The following COA1 variants were observed in gnomAD, a reference collection of about 807,000 sequenced individuals.
COA1 encodes cytochrome c oxidase assembly factor 1 homolog.
Under a neutral mutation model 16.0 loss-of-function variants are expected in COA1, and 13 were observed. The ratio of observed to expected loss-of-function variants is 0.81; its 90% CI spans 0.53 to 1.29. The LOEUF is 1.29. Ranked by LOEUF, COA1 falls within the 50% of genes most tolerant of loss-of-function variation. The pLI, the probability that COA1 is intolerant of heterozygous loss-of-function variation, is 0.00. For synonymous variants in COA1, 65 were observed against 65.7 expected (o/e 0.99, Z 0.05); for missense variants, 179 against 177.0 (o/e 1.01, Z -0.06).
intron 1 of COA1, among the ~76,000 whole-genome samples, chr7:43,670,670 G>C (rs937872161): frequency 2.6e-5 from 4 of 152,132 alleles, no homozygotes; most frequent in Admixed American, 6.5e-5. Context: ...TGCACTAAAA[G>C]AGACATAGAG....
intron 1 of COA1, among the ~76,000 whole-genome samples, chr7:43,677,446 A>C (rs1004677383): frequency 2.0e-5 from 3 of 152,224 alleles, no homozygotes; most frequent in African/African-American, 7.2e-5. Flanking sequence ...AGGTTTGCCA[A>C]ATAAAAGAGA....
intron 1 of COA1, among the ~76,000 whole-genome samples, chr7:43,672,001 T>A (rs2093291904): frequency 6.6e-6 from 1 of 152,098 alleles, no homozygotes; most frequent in African/African-American, 2.4e-5. Flanking sequence ...CATAGCAGCA[T>A]GAGAACAGAC....
chr7:43,709,055 A>G (rs2095112259), intron 1 of COA1, among the ~76,000 whole-genome samples: 2 of 146,348 alleles, frequency 1.4e-5, no homozygotes, highest in South Asian at 4.3e-4. Context: ...ACAGAGTCTC[A>G]TTCTCTCTCC....
At chr7:43,691,481 T>C (rs924362774) in intron 1 of COA1, among the ~76,000 whole-genome samples, 6 of 134,570 alleles carry the variant, frequency 4.5e-5, no homozygotes, top group Non-Finnish European at 8.2e-5. Context: ...AAGAAAGAAA[T>C]TATCATCAAT....
At position 43,639,572 on chromosome 7, in the gene COA1, T is replaced by C. The variant is rs376700205; in HGVS notation, c.*10A>G. The C allele has an allele frequency of 6.2e-7, 1 of 1,610,914 alleles. No homozygotes were observed. Among genetic ancestry groups the C allele is most frequent in the African/African-American group, 1.3e-5 (1 of 74,842 alleles). ...TGGACTAGAAGCAAGCTGGGTCTTCTGGGTCGTCTCTACTCCTTTTTCACT... is the reference window on the plus strand; with the variant it reads ...TGGACTAGAAGCAAGCTGGGTCTTCCGGGTCGTCTCTACTCCTTTTTCACT... On this transcript the variant is annotated 3_prime_UTR_variant, in exon 6 of 6. Transcript: ENST00000223336.
chr7:43,664,103 A>AAGAGGGAGAGAGAGAGAGAGAG (rs2092697950), intron 1 of COA1, among the ~76,000 whole-genome samples: 1 of 135,144 alleles, frequency 7.4e-6, no homozygotes, highest in African/African-American at 3.0e-5. Context: ...TGTCTTTAGA[A>AAGAGGGAGAGAGAGAGAGAGAG]AGAGAGAGAG....
At chr7:43,646,204 C>G in intron 3 of COA1, 1 of 193,704 alleles carries the variant, frequency 5.2e-6, no homozygotes, top group Non-Finnish European at 1.1e-5. Context: ...GAATCCCCCT[C>G]CTGGGCTGCT....
Position 43,647,868 on chromosome 7 carries a change from G to A in COA1, c.16-234C>T, listed in dbSNP as rs974932668. 14 of 525,976 alleles carry A rather than the reference G, an allele frequency of 2.7e-5. No individual in the cohort carries two copies. The East Asian group carries it at 3.5e-4, about 13-fold the overall frequency. 32.6% of individuals were successfully genotyped at this position (525,976 alleles called of 1,614,324 possible). ...CCATGTCCAGGACCCATGCTGTGGG[G>A]GCCCTGCCACCCCCAGCCAGCCCAG... On this transcript the variant is annotated intron_variant, in intron 2 of 5. Transcript: ENST00000223336.
At chr7:43,728,203 T>G (rs2095659017) in intron 1 of COA1, among the ~76,000 whole-genome samples, 1 of 152,162 alleles carries the variant, frequency 6.6e-6, no homozygotes, top group African/African-American at 2.4e-5. Flanking sequence ...CTTGATCTCC[T>G]GACCTCGTGA....
At chr7:43,691,089 G>T (rs868494134) in intron 1 of COA1, among the ~76,000 whole-genome samples, 164 of 129,038 alleles carry the variant, frequency 1.3e-3, no homozygotes, top group African/African-American at 4.3e-3. Context: ...AAAAAGAAAA[G>T]AAAATTGGCC....
downstream of COA1, among the ~76,000 whole-genome samples, chr7:43,634,319 A>C (rs1049931068): frequency 3.3e-5 from 5 of 152,060 alleles, no homozygotes; most frequent in Admixed American, 6.5e-5. Context: ...ATGTTTTCGT[A>C]GGTCTACTCT....
intron 4 of COA1, among the ~76,000 whole-genome samples, chr7:43,644,790 G>GA (rs1563229750): frequency 2.5e-5 from 1 of 39,502 alleles, no homozygotes; most frequent in Non-Finnish European, 5.8e-5. Context: ...AGGCAGGCAG[G>GA]CAGAGAGACA....
Position 43,674,828 on chromosome 7 carries a change from C to CA in COA1, c.-38-26177dup, listed in dbSNP as rs139942426. Reference sequence around the variant, plus strand: ...TTCCTATAACTACTCTTATTCAAACCAACTCTGTCCTCTTCACAGCTGAAC... The same window carrying CA: ...TTCCTATAACTACTCTTATTCAAACCAAACTCTGTCCTCTTCACAGCTGAAC... On this transcript the variant is annotated intron_variant, in intron 1 of 5. Transcript: ENST00000223336. Among the ~76,000 whole-genome samples, 869 of 152,286 alleles carry CA rather than the reference C, an allele frequency of 5.7e-3. 8 individuals are homozygous for CA. The highest frequency in any genetic ancestry group is 0.02 in the African/African-American group (829 of 41,562).
intron 6 of COA1, among the ~76,000 whole-genome samples, chr7:43,618,529 T>G (rs1406635028): frequency 6.6e-6 from 1 of 152,220 alleles, no homozygotes; most frequent in African/African-American, 2.4e-5. Context: ...ATTTGTAATT[T>G]ACCAGTGTTT....
chr7:43,648,418 G>T, intron 2 of COA1, 182 bp downstream of exon 2: 1 of 742,706 alleles, frequency 1.3e-6, no homozygotes, highest in Non-Finnish European at 2.4e-6. Context: ...AGACACGAGA[G>T]AAAGACAGAG....
At chr7:43,676,876 G>A (rs1204624766) in intron 1 of COA1, among the ~76,000 whole-genome samples, 1 of 151,882 alleles carries the variant, frequency 6.6e-6, no homozygotes, top group Non-Finnish European at 1.5e-5. Context: ...TATGGTCAAT[G>A]GTAGCAAAGA....
intron 1 of COA1, among the ~76,000 whole-genome samples, chr7:43,701,578 T>C (rs890424860): frequency 1.3e-5 from 2 of 152,214 alleles, no homozygotes; most frequent in Non-Finnish European, 2.9e-5. Context: ...AATGTACAAA[T>C]GTATGTGTCT....
chr7:43,710,332 G>C (rs1420214136), intron 1 of COA1, among the ~76,000 whole-genome samples: 1 of 92,164 alleles, frequency 1.1e-5, no homozygotes, highest in African/African-American at 4.1e-5. Flanking sequence ...TTGGGTGAAA[G>C]AGCAAGACTC....
chr7:43,655,269 T>A (rs1191457147), intron 1 of COA1, among the ~76,000 whole-genome samples: 2 of 152,180 alleles, frequency 1.3e-5, no homozygotes, highest in African/African-American at 4.8e-5. Context: ...TAGTACCCCA[T>A]CTCTACTAAA....
Sources: gnomAD v4.1 joint callset for allele counts (sites outside exome capture counted in the v4.1 genomes callset) on GRCh38, gnomAD v4.1.1 for gene constraint, MANE v1.5 for transcripts, NCBI Gene and HGNC (gene_info 2026-07-23, HGNC 2026-07-21) for gene names.